The following NCAM1 variants were observed in gnomAD, a reference collection of about 807,000 sequenced individuals.
NCAM1 encodes neural cell adhesion molecule 1.
In NCAM1, 14 loss-of-function variants were observed where a neutral mutation model predicts 109.8. The observed-to-expected ratio is 0.13, with a 90% CI of 0.08 to 0.20. The LOEUF is 0.20. NCAM1 is among the 10% of genes least tolerant of loss of function. NCAM1 has a pLI of 1.00. For synonymous variants in NCAM1, 418 were observed against 442.9 expected (o/e 0.94, Z 0.70); for missense variants, 774 against 1,109.9 (o/e 0.70, Z 4.30).
chr11:113,144,716 CT>C (rs1372446977), intron 1 of NCAM1, among the ~76,000 whole-genome samples: 1 of 152,144 alleles, frequency 6.6e-6, no homozygotes, highest in African/African-American at 2.4e-5. Context: ...CTTTAACAAA[CT>C]TTTTAGACTT....
intron 1 of NCAM1, among the ~76,000 whole-genome samples, chr11:113,162,340 C>T (rs1003285180): frequency 8.5e-5 from 13 of 152,054 alleles, no homozygotes; most frequent in African/African-American, 3.1e-4. Context: ...AAAAAAAAAT[C>T]CCATCTCAGG....
chr11:112,995,129 T>C (rs1951559953), intron 1 of NCAM1, among the ~76,000 whole-genome samples: 1 of 152,078 alleles, frequency 6.6e-6, no homozygotes, highest in African/African-American at 2.4e-5. Flanking sequence ...TACTGCTGAA[T>C]TACAGTAGTT....
intron 9 of NCAM1, among the ~76,000 whole-genome samples, chr11:113,229,700 C>A (rs192412590): frequency 1.3e-5 from 2 of 152,128 alleles, no homozygotes; most frequent in African/African-American, 2.4e-5. Context: ...CCATCAATGA[C>A]AGACTGGATT....
At chr11:113,041,475 T>G (rs1953069462) in intron 1 of NCAM1, among the ~76,000 whole-genome samples, 1 of 152,068 alleles carries the variant, frequency 6.6e-6, no homozygotes, top group Non-Finnish European at 1.5e-5. Flanking sequence ...CATGCTGGTA[T>G]ATAGTCTGTG....
chr11:113,210,303 A>G (rs1165545480), intron 7 of NCAM1, among the ~76,000 whole-genome samples: 1 of 152,138 alleles, frequency 6.6e-6, no homozygotes, highest in African/African-American at 2.4e-5. Context: ...CGCCCCTATG[A>G]TGTAGATTTT....
At chr11:113,106,820 G>A (rs1156891742) in intron 1 of NCAM1, among the ~76,000 whole-genome samples, 10 of 152,172 alleles carry the variant, frequency 6.6e-5, no homozygotes, top group Admixed American at 6.5e-4. Flanking sequence ...ATAATACCAA[G>A]TCAGTAGCCC....
chr11:113,031,784 C>T (rs782691580), intron 1 of NCAM1, among the ~76,000 whole-genome samples: 2 of 152,118 alleles, frequency 1.3e-5, no homozygotes, highest in African/African-American at 2.4e-5. Context: ...TCAACAGCAG[C>T]TGGGAAGGAC....
chr11:113,040,040 C>G (rs1215749372), intron 1 of NCAM1, among the ~76,000 whole-genome samples: 2 of 152,084 alleles, frequency 1.3e-5, no homozygotes, highest in African/African-American at 4.8e-5. Flanking sequence ...ACTCGGGAGG[C>G]TGAGGCAGGG....
At chr11:113,221,746 A>G (rs1468968007) in intron 9 of NCAM1, 2 of 162,728 alleles carry the variant, frequency 1.2e-5, no homozygotes, top group African/African-American at 4.8e-5. Context: ...AGCTCAACTC[A>G]TCTTGTTGCT....
intron 14 of NCAM1, among the ~76,000 whole-genome samples, chr11:113,238,614 T>G (rs550029474): frequency 6.6e-6 from 1 of 152,322 alleles, no homozygotes; most frequent in East Asian, 1.9e-4. Context: ...CTCTGAATTC[T>G]TACTCTCATT....
chr11:113,217,537 G>A (rs1555114564), intron 8 of NCAM1, among the ~76,000 whole-genome samples: 1 of 151,706 alleles, frequency 6.6e-6, no homozygotes, highest in Non-Finnish European at 1.5e-5. Context: ...AATTAATGCA[G>A]ACTTCAGGAG....
chr11:113,261,082 T>C (rs1945979852), intron 17 of NCAM1, among the ~76,000 whole-genome samples: 1 of 152,196 alleles, frequency 6.6e-6, no homozygotes. Flanking sequence ...ACCAGCCAAA[T>C]GCCAACCCCA....
chr11:113,082,222 G>C (rs528861146), intron 1 of NCAM1, among the ~76,000 whole-genome samples: 1 of 152,290 alleles, frequency 6.6e-6, no homozygotes, highest in Admixed American at 6.5e-5. Flanking sequence ...AAAGTTGTTG[G>C]AAGCGAAAAC....
intron 1 of NCAM1, among the ~76,000 whole-genome samples, chr11:112,989,295 T>C (rs1951398368): frequency 6.6e-6 from 1 of 152,142 alleles, no homozygotes; most frequent in African/African-American, 2.4e-5. Context: ...CTTCGCTCTT[T>C]TTCATTATTT....
At chr11:113,215,847 C>T (rs1944511773) in intron 8 of NCAM1, among the ~76,000 whole-genome samples, 1 of 152,190 alleles carries the variant, frequency 6.6e-6, no homozygotes, top group African/African-American at 2.4e-5. Flanking sequence ...ATTTCAGCCC[C>T]ACTCATGTGT....
intron 1 of NCAM1, among the ~76,000 whole-genome samples, chr11:113,119,448 G>A (rs569040237): frequency 1.2e-4 from 19 of 152,266 alleles, no homozygotes; most frequent in African/African-American, 4.1e-4. Flanking sequence ...GCACAGTGGC[G>A]TGGAAAATGG....
intron 1 of NCAM1, among the ~76,000 whole-genome samples, chr11:112,997,893 TA>T (rs1341103856): frequency 6.6e-6 from 1 of 152,194 alleles, no homozygotes; most frequent in Non-Finnish European, 1.5e-5. Context: ...TATGAAAGCC[TA>T]AAAAGTGATT....
chr11:113,273,201 C>A lies in NCAM1; in HGVS notation c.2456+1325C>A, dbSNP rs1369382745. ...AGCTTCAGCCCCCAAGGTCGCCCCC[C>A]TCGTTGACCTGAGCGACACCCCGAC... is the stretch of plus-strand genomic sequence containing the variant. On this transcript the variant is annotated intron_variant, in intron 19 of 19. Transcript: ENST00000316851. This position sits in a 1 kb window ranked among gnomAD's most constrained non-coding sequence, Gnocchi z 6.0. 1 of 383,202 alleles carries A rather than the reference C, an allele frequency of 2.6e-6. No individual in the cohort carries two copies. Among genetic ancestry groups the A allele is most frequent in the African/African-American group, 2.1e-5 (1 of 47,722 alleles). The allele number at this position is 383,202 out of a possible 1,614,324, so 23.7% of individuals were successfully genotyped here.
At chr11:113,168,139 A>G (rs759180296) in intron 1 of NCAM1, among the ~76,000 whole-genome samples, 31 of 152,200 alleles carry the variant, frequency 2.0e-4, no homozygotes, top group Non-Finnish European at 4.1e-4. Flanking sequence ...AATCGAGTTA[A>G]TTCAAATCCA....
Sources: allele counts gnomAD v4.1 joint callset (sites outside exome capture counted in the v4.1 genomes callset), GRCh38; gene constraint gnomAD v4.1.1; non-coding constraint Gnocchi (gnomAD v3.1); transcripts MANE v1.5; gene names NCBI Gene and HGNC (gene_info 2026-07-23, HGNC 2026-07-21).